EEA1: variants seen among roughly 807,000 people sequenced by gnomAD.
EEA1 encodes the protein early endosome antigen 1, 162kD.
EEA1 carries 111 observed loss-of-function variants against 209.2 expected under a neutral mutation model. The ratio of observed to expected loss-of-function variants is 0.53; its 90% CI spans 0.45 to 0.62. EEA1 has a LOEUF of 0.62. Among genes scored for constraint, EEA1 ranks in the 20% least tolerant of loss-of-function variants. EEA1 has a pLI of 0.00. For synonymous variants in EEA1, 536 were observed against 540.6 expected, an observed-to-expected ratio of 0.99 and a Z score of 0.12; for missense variants, 1,343 against 1,530.8, an observed-to-expected ratio of 0.88 and a Z score of 2.05.
Position 92,813,559 on chromosome 12 carries a change from T to A in EEA1, c.1930-466A>T, listed in dbSNP as rs148028283. Reference sequence around the variant, plus strand: ...AAATTCAGTATTCCCTGATAACTTCTCACTTAAAGGGTTTTATTTTTGAAG... The same window carrying A: ...AAATTCAGTATTCCCTGATAACTTCACACTTAAAGGGTTTTATTTTTGAAG... On this transcript the variant is annotated intron_variant, in intron 15 of 28. Coordinates refer to ENST00000322349, the MANE Select transcript of EEA1 (RefSeq NM_003566.4). Among the ~76,000 whole-genome samples, 505 of 152,310 alleles carry A rather than the reference T, an allele frequency of 3.3e-3. 5 individuals are homozygous for A. The highest frequency in any genetic ancestry group is 8.9e-3 in the Admixed American group (136 of 15,308).
chr12:92,894,778 C>T (rs1879796369), intron 1 of EEA1, among the ~76,000 whole-genome samples: 1 of 152,062 alleles, frequency 6.6e-6, no homozygotes, highest in Non-Finnish European at 1.5e-5. Flanking sequence ...GAAGCTGCAG[C>T]AAGTTATCCA....
chr12:92,928,350 CT>C (rs1881289134), intron 1 of EEA1, among the ~76,000 whole-genome samples: 1 of 152,326 alleles, frequency 6.6e-6, no homozygotes, highest in African/African-American at 2.4e-5. Context: ...GTATATACCA[CT>C]TGATCAAGCT....
At chr12:92,925,212 T>C (rs1881168027) in intron 1 of EEA1, among the ~76,000 whole-genome samples, 1 of 151,818 alleles carries the variant, frequency 6.6e-6, no homozygotes, top group African/African-American at 2.4e-5. Context: ...TAATCACAGT[T>C]TTTTTGTTTT....
At chr12:92,797,294 G>C (rs979665733) in intron 21 of EEA1, among the ~76,000 whole-genome samples, 2 of 152,050 alleles carry the variant, frequency 1.3e-5, no homozygotes, top group African/African-American at 4.8e-5. Context: ...CACCATGTTG[G>C]CCAGGCTGGT....
chr12:92,816,042 C>T (rs1875767503), intron 15 of EEA1, among the ~76,000 whole-genome samples, 158 bp downstream of exon 15: 1 of 151,828 alleles, frequency 6.6e-6, no homozygotes, highest in African/African-American at 2.4e-5. Flanking sequence ...GAAAGTCAAA[C>T]AGGAAAGTTC....
At chr12:92,858,436 A>T in intron 3 of EEA1, 1 of 1,230,894 alleles carries the variant, frequency 8.1e-7, no homozygotes, top group Non-Finnish European at 1.2e-6. Context: ...GATATTTCTG[A>T]AGGTGTTCAT....
At chr12:92,843,019 GA>G (rs1466226497) in intron 9 of EEA1, among the ~76,000 whole-genome samples, 1 of 152,122 alleles carries the variant, frequency 6.6e-6, no homozygotes, top group African/African-American at 2.4e-5. Context: ...TGATATTAGT[GA>G]ATCATCTTTC....
intron 21 of EEA1, among the ~76,000 whole-genome samples, chr12:92,789,923 A>C (rs1193964820): frequency 6.6e-6 from 1 of 152,220 alleles, no homozygotes; most frequent in Non-Finnish European, 1.5e-5. Flanking sequence ...AAGCTTCCAG[A>C]GGAAGGATCA....
intron 1 of EEA1, among the ~76,000 whole-genome samples, chr12:92,903,327 G>T (rs1880232798): frequency 6.6e-6 from 1 of 152,032 alleles, no homozygotes; most frequent in South Asian, 2.1e-4. Flanking sequence ...GTCGGAAGCG[G>T]TAGCTCACGC....
chr12:92,903,815 T>C (rs917864292), intron 1 of EEA1, among the ~76,000 whole-genome samples: 6 of 151,436 alleles, frequency 4.0e-5, no homozygotes, highest in Non-Finnish European at 8.8e-5. Context: ...GACCAATGAG[T>C]TTTATGTTAG....
At chr12:92,871,665 A>C (rs1364262563) in intron 2 of EEA1, among the ~76,000 whole-genome samples, 2 of 152,250 alleles carry the variant, frequency 1.3e-5, no homozygotes, top group Non-Finnish European at 2.9e-5. Flanking sequence ...TTCAAGTGGT[A>C]ACTGTACAAA....
chr12:92,865,428 T>C (rs1878339891), intron 2 of EEA1, among the ~76,000 whole-genome samples: 1 of 151,348 alleles, frequency 6.6e-6, no homozygotes. Context: ...AAGTAATTCA[T>C]AATCACCACA....
chr12:92,884,480 T>C, intron 2 of EEA1: 1 of 1,487,388 alleles, frequency 6.7e-7, no homozygotes, highest in Non-Finnish European at 9.3e-7. Context: ...CTATAATGGA[T>C]TTGGTAATGA....
Position 92,842,469 on chromosome 12 carries a change from T to C in EEA1, c.911A>G (p.Asn304Ser). The C allele has an allele frequency of 6.6e-7, 1 of 1,512,298 alleles. No homozygotes were observed. The highest frequency in any genetic ancestry group is 9.1e-7 in the Non-Finnish European group (1 of 1,094,326). The allele number at this position is 1,512,298 out of a possible 1,614,324, so 93.7% of individuals were successfully genotyped here. ...KSSVNELTQK[N>S]QTLTENLLKK... ...ATATAGCTTTAAAATTCTCACCTGA[T>C]TTTTTTGTGTTAATTCATTAACTGA... The change falls in exon 10 of 29, where the codon AAT (asparagine) becomes AGT (serine). Residue 304 changes from asparagine to serine, a missense_variant. Coordinates refer to ENST00000322349, the MANE Select transcript of EEA1 (RefSeq NM_003566.4).
At chr12:92,908,457 T>A (rs927388232) in intron 1 of EEA1, among the ~76,000 whole-genome samples, 1 of 152,202 alleles carries the variant, frequency 6.6e-6, no homozygotes, top group Non-Finnish European at 1.5e-5. Context: ...TTAAATTACG[T>A]ATATTTTGTC....
intron 1 of EEA1, among the ~76,000 whole-genome samples, chr12:92,902,745 A>G (rs1001798141): frequency 7.9e-5 from 12 of 151,106 alleles, no homozygotes; most frequent in Non-Finnish European, 1.8e-4. Context: ...TGTCTTAAAA[A>G]AAAAAAAAAA....
intron 15 of EEA1, among the ~76,000 whole-genome samples, chr12:92,815,925 C>T (rs925022550): frequency 6.7e-5 from 10 of 148,586 alleles, no homozygotes; most frequent in Non-Finnish European, 1.5e-4. Context: ...GAGCAAGAGC[C>T]AGAGACAGAG....
intron 11 of EEA1, among the ~76,000 whole-genome samples, chr12:92,831,956 G>A (rs1039465651): frequency 2.5e-4 from 38 of 150,732 alleles, no homozygotes; most frequent in African/African-American, 7.5e-4. Context: ...GCGCGGTGGC[G>A]GGCGCCTGTA....
intron 2 of EEA1, among the ~76,000 whole-genome samples, chr12:92,880,436 C>T (rs1312426931): frequency 1.3e-5 from 2 of 152,246 alleles, no homozygotes; most frequent in East Asian, 3.9e-4. Context: ...TTTCAAGTAG[C>T]TGGGATTACA....
Sources: gnomAD v4.1 joint callset for allele counts (sites outside exome capture counted in the v4.1 genomes callset) on GRCh38, gnomAD v4.1.1 for gene constraint, MANE v1.5 for transcripts, NCBI Gene and HGNC (gene_info 2026-07-23, HGNC 2026-07-21) for gene names.